The following PLCL2 variants were observed in gnomAD, a reference collection of about 807,000 sequenced individuals.
PLCL2 encodes the protein inactive phospholipase C-like protein 2.
In PLCL2, 4 loss-of-function variants were observed where a neutral mutation model predicts 79.6. That is an observed-to-expected ratio of 0.05 (90% CI 0.02 to 0.11). The LOEUF (loss-of-function observed/expected upper bound fraction) is 0.11, where lower values mean the gene tolerates loss of function less well. PLCL2 is among the 10% of genes least tolerant of loss of function. PLCL2 has a pLI of 1.00. For synonymous variants in PLCL2, 484 were observed against 457.7 expected, an observed-to-expected ratio of 1.06 and a Z score of -0.73; for missense variants, 895 against 1,291.0, an observed-to-expected ratio of 0.69 and a Z score of 4.70.
At position 17,089,950 on chromosome 3, in the gene PLCL2, T is replaced by C; in HGVS notation, c.*38T>C. ...TAAACCATTATGGAGTTTATAACTCTAGGACCAATTGTAGTCAGATGGGAC... is the reference window on the plus strand; with the variant it reads ...TAAACCATTATGGAGTTTATAACTCCAGGACCAATTGTAGTCAGATGGGAC... On this transcript the variant is annotated 3_prime_UTR_variant, in exon 6 of 6. Coordinates refer to ENST00000615277, the MANE Select transcript of PLCL2 (RefSeq NM_001144382.2). 6.3e-7 allele frequency: 1 copy of C among 1,581,078 alleles called. No individual in the cohort carries two copies. The highest frequency in any genetic ancestry group is 1.2e-5 in the South Asian group (1 of 85,502).
At chr3:17,004,364 G>A (rs1296322563) in intron 1 of PLCL2, among the ~76,000 whole-genome samples, 3 of 152,062 alleles carry the variant, frequency 2.0e-5, no homozygotes, top group East Asian at 1.9e-4. Context: ...GCAGGGGTGA[G>A]CTTTTGGAAT....
chr3:16,952,848 A>G (rs1463832090), intron 1 of PLCL2, among the ~76,000 whole-genome samples: 2 of 152,088 alleles, frequency 1.3e-5, no homozygotes, highest in African/African-American at 4.8e-5. Context: ...TAGCTTGTAT[A>G]TAATGCAAAA....
At chr3:17,005,856 A>G (rs1315123269) in intron 1 of PLCL2, among the ~76,000 whole-genome samples, 1 of 152,154 alleles carries the variant, frequency 6.6e-6, no homozygotes, top group African/African-American at 2.4e-5. Context: ...CTAAGTTCTA[A>G]TAGAGTAGCA....
chr3:16,988,154 C>T (rs2064069158), intron 1 of PLCL2, among the ~76,000 whole-genome samples: 2 of 152,148 alleles, frequency 1.3e-5, no homozygotes, highest in South Asian at 4.1e-4. Context: ...CTCCGCTCTG[C>T]ACAACTGTAT....
chr3:16,920,492 A>G lies in PLCL2; in HGVS notation c.327+35126A>G, dbSNP rs138489246. On this transcript the variant is annotated intron_variant, in intron 1 of 5. Transcript: ENST00000615277. ...TATGATAAATTCTCACTTATTGAGA[A>G]TCTGAACTGGAAAGGTCAACCAAAA... Among the ~76,000 whole-genome samples, 789 of 152,266 alleles carry G rather than the reference A, an allele frequency of 5.2e-3. 7 individuals carry two copies. The highest frequency in any genetic ancestry group is 0.018 in the African/African-American group (736 of 41,564).
chr3:16,908,467 T>C (rs180963465), intron 1 of PLCL2, among the ~76,000 whole-genome samples: 1 of 152,362 alleles, frequency 6.6e-6, no homozygotes, highest in Admixed American at 6.5e-5. Context: ...CTCTTTTTTC[T>C]TTTAATGTAC....
At chr3:17,081,451 A>G in intron 5 of PLCL2, 1 of 299,500 alleles carries the variant, frequency 3.3e-6, no homozygotes, top group East Asian at 9.2e-5. Context: ...TCTCTAATAG[A>G]TAGTTGGACA....
At chr3:16,896,646 C>T (rs1482865581) in intron 1 of PLCL2, among the ~76,000 whole-genome samples, 2 of 152,160 alleles carry the variant, frequency 1.3e-5, no homozygotes, top group Non-Finnish European at 2.9e-5. Flanking sequence ...GTTAACAGAG[C>T]AAAACCAGTT....
At chr3:17,086,445 A>G (rs1198620214) in intron 5 of PLCL2, among the ~76,000 whole-genome samples, 2 of 152,270 alleles carry the variant, frequency 1.3e-5, no homozygotes, top group African/African-American at 4.8e-5. Flanking sequence ...AAAATAGATC[A>G]TAGACCTAAA....
intron 4 of PLCL2, among the ~76,000 whole-genome samples, chr3:17,048,005 C>T (rs1424859459): frequency 6.6e-6 from 1 of 152,122 alleles, no homozygotes; most frequent in Non-Finnish European, 1.5e-5. Flanking sequence ...GAGGATGAGG[C>T]CCCGACACAC....
At chr3:17,035,190 T>G (rs1418697983) in intron 3 of PLCL2, among the ~76,000 whole-genome samples, 1 of 152,158 alleles carries the variant, frequency 6.6e-6, no homozygotes, top group Non-Finnish European at 1.5e-5. Flanking sequence ...GTTCTTAGAC[T>G]TCCCTATTGT....
intron 4 of PLCL2, among the ~76,000 whole-genome samples, chr3:17,059,517 T>C (rs1184543443): frequency 4.0e-5 from 6 of 151,742 alleles, no homozygotes; most frequent in Non-Finnish European, 7.4e-5. Context: ...TACACACATA[T>C]ACATATATAT....
At chr3:16,992,371 A>G (rs2064113267) in intron 1 of PLCL2, among the ~76,000 whole-genome samples, 1 of 152,134 alleles carries the variant, frequency 6.6e-6, no homozygotes, top group Admixed American at 6.5e-5. Context: ...TCCGCCTTCT[A>G]CCACTGTGTT....
intron 1 of PLCL2, among the ~76,000 whole-genome samples, chr3:17,006,991 G>A (rs2064267471): frequency 6.6e-6 from 1 of 152,186 alleles, no homozygotes; most frequent in Admixed American, 6.5e-5. Flanking sequence ...AGATTACAAT[G>A]TTGGGAAAAT....
At chr3:17,008,566 A>G (rs1210488236) in intron 1 of PLCL2, among the ~76,000 whole-genome samples, 1 of 152,012 alleles carries the variant, frequency 6.6e-6, no homozygotes, top group Non-Finnish European at 1.5e-5. Context: ...AGCAATCTGC[A>G]TTGTAACCAG....
At chr3:17,059,766 G>A (rs942409926) in intron 4 of PLCL2, among the ~76,000 whole-genome samples, 2 of 152,054 alleles carry the variant, frequency 1.3e-5, no homozygotes, top group African/African-American at 4.8e-5. Context: ...GCTGGGAGAT[G>A]GGGAAAGGAA....
At chr3:16,948,324 G>A (rs980169222) in intron 1 of PLCL2, among the ~76,000 whole-genome samples, 1 of 152,088 alleles carries the variant, frequency 6.6e-6, no homozygotes, top group East Asian at 1.9e-4. Context: ...GATCTGTGTG[G>A]GGCAGAAGGT....
chr3:17,050,118 G>A lies in PLCL2; in HGVS notation c.3094+7169G>A, dbSNP rs1445893422. Among the ~76,000 whole-genome samples the A allele has an allele frequency of 2.6e-5, 4 of 152,174 alleles. 1 individual carries two copies. On this transcript the variant is annotated intron_variant, in intron 4 of 5. Coordinates refer to ENST00000615277, the MANE Select transcript of PLCL2 (RefSeq NM_001144382.2). ...CTTCAGTAAATCGTGCAGGGAAAAC[G>A]GGATATCCATATGCAGAAGAATGAA...
intron 1 of PLCL2, among the ~76,000 whole-genome samples, chr3:16,927,267 G>A (rs1697278962): frequency 6.6e-6 from 1 of 151,998 alleles, no homozygotes; most frequent in African/African-American, 2.4e-5. Flanking sequence ...TTTTTTAATA[G>A]TGACCAAAGT....
Sources: allele counts gnomAD v4.1 joint callset (sites outside exome capture counted in the v4.1 genomes callset), GRCh38; gene constraint gnomAD v4.1.1; transcripts MANE v1.5; gene names NCBI Gene and HGNC (gene_info 2026-07-23, HGNC 2026-07-21).